MYOM1: variants seen among roughly 807,000 people sequenced by gnomAD.
The protein encoded by MYOM1 is myomesin 1.
MYOM1 carries 164 observed loss-of-function variants against 205.3 expected under a neutral mutation model. The ratio of observed to expected loss-of-function variants is 0.80; its 90% CI spans 0.70 to 0.91. The LOEUF (loss-of-function observed/expected upper bound fraction) is 0.91. Ranked by LOEUF, MYOM1 falls within the 40% of genes least tolerant of loss-of-function variation. The probability of loss-of-function intolerance (pLI) is 0.00; values close to 1 mark genes in which losing one functional copy is unlikely to be tolerated. For synonymous variants in MYOM1, 772 were observed against 789.4 expected (o/e 0.98, Z 0.37); for missense variants, 2,011 against 2,127.3 (o/e 0.95, Z 1.08).
At chr18:3,090,895 A>C in intron 26 of MYOM1, 93 bp from the exon 27 acceptor site, 4 of 1,478,654 alleles carry the variant, frequency 2.7e-6, no homozygotes, top group Non-Finnish European at 3.7e-6. Context: ...ATAAACCCCA[A>C]AGGCTAGATG....
chr18:3,212,789 T>C (rs74744623), intron 2 of MYOM1, among the ~76,000 whole-genome samples: 3,869 of 152,296 alleles, frequency 0.025, 76 homozygotes, highest in South Asian at 0.082. Flanking sequence ...GGGAAACAAA[T>C]TGAGGCTGTC....
intron 21 of MYOM1, among the ~76,000 whole-genome samples, chr18:3,114,544 A>ATTTTTTTTTTTTTTTTTTTTTT (rs5822738): frequency 3.4e-5 from 3 of 88,374 alleles, no homozygotes; most frequent in African/African-American, 1.4e-4. Context: ...TGGTCAGCTA[A>ATTTTTTTTTTTTTTTTTTTTTT]TTTTTTTTTT....
At chr18:3,104,845 C>A (rs2079430829) in intron 22 of MYOM1, among the ~76,000 whole-genome samples, 1 of 151,374 alleles carries the variant, frequency 6.6e-6, no homozygotes, top group Non-Finnish European at 1.5e-5. Flanking sequence ...CTTGGCCTCC[C>A]AGGTCATCCT....
intron 2 of MYOM1, among the ~76,000 whole-genome samples, chr18:3,206,682 C>T (rs977169029): frequency 2.0e-5 from 3 of 152,162 alleles, no homozygotes; most frequent in African/African-American, 7.2e-5. Flanking sequence ...GGCCTAACAC[C>T]TACTGATTCT....
At chr18:3,075,857 T>C in intron 34 of MYOM1, 96 bp from the exon 35 acceptor site, 1 of 1,136,918 alleles carries the variant, frequency 8.8e-7, no homozygotes, top group Non-Finnish European at 1.3e-6. Flanking sequence ...CTGTGATCGG[T>C]CCAGACATGA....
At position 3,125,541 on chromosome 18, in the gene MYOM1, G is replaced by T. The variant is rs1598698497; in HGVS notation, c.2991+1160C>A. Among the ~76,000 whole-genome samples the T allele has an allele frequency of 2.0e-5, 3 of 148,030 alleles. No homozygotes were observed. The South Asian group carries it at 6.5e-4, about 32-fold the overall frequency. On this transcript the variant is annotated intron_variant, in intron 19 of 37. Coordinates refer to ENST00000356443, the MANE Select transcript of MYOM1 (RefSeq NM_003803.4). ...GGCTGAGGTGGGCAGATCACTTGAG[G>T]CCAGGAGCGAAACTCCATCTCAAAA...
chr18:3,205,412 G>C (rs991382385), intron 2 of MYOM1, among the ~76,000 whole-genome samples: 1 of 152,074 alleles, frequency 6.6e-6, no homozygotes, highest in Non-Finnish European at 1.5e-5. Context: ...CAAAACATTT[G>C]AATAGGCATT....
intron 33 of MYOM1, among the ~76,000 whole-genome samples, chr18:3,082,936 T>A (rs2079101433): frequency 6.6e-6 from 1 of 152,144 alleles, no homozygotes; most frequent in Admixed American, 6.5e-5. Context: ...ACAACAATAA[T>A]CTTGGGCACT....
chr18:3,075,270 C>T (rs1471442801), intron 36 of MYOM1, among the ~76,000 whole-genome samples, 184 bp downstream of exon 36: 1 of 152,086 alleles, frequency 6.6e-6, no homozygotes, highest in Admixed American at 6.6e-5. Context: ...TAACCTGAGA[C>T]CTTCTTTTCC....
At chr18:3,162,757 G>GTA (rs35545425) in intron 10 of MYOM1, among the ~76,000 whole-genome samples, 2 of 96,230 alleles carry the variant, frequency 2.1e-5, no homozygotes, top group African/African-American at 8.3e-5. Flanking sequence ...GCCGGGCGTG[G>GTA]GCTCACGCCT....
rs761901850 is a variant in MYOM1, at chr18:3,075,410, T to C, written c.4708+44A>G. 5.8e-6 allele frequency: 9 copies of C among 1,560,060 alleles called. No homozygotes were observed. The African/African-American group carries it at 8.2e-5, about 14-fold the overall frequency. The stretch of plus-strand genomic sequence containing the variant: ...GCAAAATAAAATTATCTTTTGAATC[T>C]ATCCCAGGAGTACTTGTGAAAAGTA... On this transcript the variant is annotated intron_variant, in intron 36 of 37. Coordinates refer to ENST00000356443, the MANE Select transcript of MYOM1 (RefSeq NM_003803.4).
the MYOM1 span, among the ~76,000 whole-genome samples, chr18:3,241,087 C>T: frequency 1.3e-5 from 2 of 152,178 alleles, no homozygotes; most frequent in Non-Finnish European, 2.9e-5. Flanking sequence ...GCATGAAAGT[C>T]TGGAAAATTT....
Position 3,112,393 on chromosome 18 carries a change from C to A in MYOM1, c.3323G>T (p.Gly1108Val). The A allele has an allele frequency of 4.4e-6, 7 of 1,607,106 alleles. No individual in the cohort carries two copies. Among genetic ancestry groups the A allele is most frequent in the Non-Finnish European group, 6.0e-6 (7 of 1,175,312 alleles). ...VYLKVRGLKE[G>V]VSYVFRVRAI... ...TCGAACACGGAACACGTAGCTGACG[C>A]CCTCCTTGAGGCCTCGAACCTGGTA... is the stretch of plus-strand genomic sequence containing the variant. Residue 1108 changes from glycine to valine, a missense_variant, in exon 22 of 38, where the codon GGC becomes GTC. Coordinates refer to ENST00000356443, the MANE Select transcript of MYOM1 (RefSeq NM_003803.4).
At chr18:3,095,442 G>A (rs943201558) in intron 25 of MYOM1, among the ~76,000 whole-genome samples, 3 of 152,052 alleles carry the variant, frequency 2.0e-5, no homozygotes, top group African/African-American at 4.8e-5. Flanking sequence ...GGTGGTGGGC[G>A]CCTATATCCC....
At chr18:3,160,853 A>G (rs2080381176) in intron 10 of MYOM1, among the ~76,000 whole-genome samples, 1 of 152,174 alleles carries the variant, frequency 6.6e-6, no homozygotes, top group Non-Finnish European at 1.5e-5. Context: ...CCCCATCCAT[A>G]GTTAGTAACG....
intron 22 of MYOM1, among the ~76,000 whole-genome samples, chr18:3,110,651 T>C (rs2079512322): frequency 6.6e-6 from 1 of 152,312 alleles, no homozygotes; most frequent in South Asian, 2.1e-4. Flanking sequence ...AAGCCTGTTT[T>C]CACACTGGAA....
Position 3,067,129 on chromosome 18 carries a change from T to C in MYOM1, c.*133A>G. On this transcript the variant is annotated 3_prime_UTR_variant, in exon 38 of 38. Coordinates refer to ENST00000356443, the MANE Select transcript of MYOM1 (RefSeq NM_003803.4). The stretch of plus-strand genomic sequence containing the variant: ...ATTAGTTGGTGCTTTTTTATATGAG[T>C]GAAAGACCTGACATTATTTTCCCCT... The C allele has an allele frequency of 1.0e-6, 1 of 984,048 alleles. No individual in the cohort carries two copies. The highest frequency in any genetic ancestry group is 2.9e-5 in the Admixed American group (1 of 34,672). 61.0% of individuals were successfully genotyped at this position (984,048 alleles called of 1,614,324 possible). A position where few individuals can be genotyped will look rare whatever the true frequency, so the allele number is the denominator to read the frequency against.
At chr18:3,160,863 G>A (rs1598733931) in intron 10 of MYOM1, among the ~76,000 whole-genome samples, 1 of 152,160 alleles carries the variant, frequency 6.6e-6, no homozygotes, top group Non-Finnish European at 1.5e-5. Flanking sequence ...AGTTAGTAAC[G>A]TGGAGTCTGG....
chr18:3,233,522 A>G, the MYOM1 span, among the ~76,000 whole-genome samples: 1 of 152,220 alleles, frequency 6.6e-6, no homozygotes, highest in Non-Finnish European at 1.5e-5. Context: ...ACTGAATAAT[A>G]GACCCTGGTA....
Sources: gnomAD v4.1 joint callset for allele counts (sites outside exome capture counted in the v4.1 genomes callset) on GRCh38, gnomAD v4.1.1 for gene constraint, MANE v1.5 for transcripts, NCBI Gene and HGNC (gene_info 2026-07-23, HGNC 2026-07-21) for gene names.